LIPK: variants seen among roughly 807,000 people sequenced by gnomAD.
LIPK encodes the protein lipase member K.
In LIPK, 32 loss-of-function variants were observed where a neutral mutation model predicts 48.6. That is an observed-to-expected ratio of 0.66 (90% CI 0.50 to 0.88). LIPK has a LOEUF of 0.88. LIPK is among the 40% of genes least tolerant of loss of function. The pLI is 0.00. For missense variants in LIPK, 507 were observed against 478.5 expected (o/e 1.06, Z -0.56); for synonymous variants, 164 against 157.4 (o/e 1.04, Z -0.32).
rs113994667 is a variant in LIPK at position 88,715,076 on chromosome 10, C to T, written c.-12+8756C>T. ...TTTATTATCATTTAGTTGCAAATATCTTCTATTTTCCATTTTTATTGCTTC... is the reference window on the plus strand; with the variant it reads ...TTTATTATCATTTAGTTGCAAATATTTTCTATTTTCCATTTTTATTGCTTC... On this transcript the variant is annotated intron_variant, in intron 1 of 9. Transcript: ENST00000404190. Among the ~76,000 whole-genome samples the T allele has an allele frequency of 5.2e-3, 788 of 152,082 alleles. 9 individuals carry two copies. The highest frequency in any genetic ancestry group is 0.024 in the Middle Eastern group (7 of 292).
chr10:88,748,411 G>A (rs1329209650), intron 9 of LIPK, among the ~76,000 whole-genome samples: 1 of 152,070 alleles, frequency 6.6e-6, no homozygotes, highest in African/African-American at 2.4e-5. Flanking sequence ...GAGGTCAGGG[G>A]TATGAGACTA....
chr10:88,736,631 A>G (rs138909935), intron 6 of LIPK, among the ~76,000 whole-genome samples: 6 of 152,338 alleles, frequency 3.9e-5, no homozygotes, highest in Admixed American at 6.5e-5. Context: ...TTTATTTATC[A>G]ATCCATGCTT....
intron 6 of LIPK, among the ~76,000 whole-genome samples, chr10:88,732,809 G>T (rs1237199934): frequency 2.0e-5 from 3 of 152,170 alleles, no homozygotes; most frequent in East Asian, 3.8e-4. Flanking sequence ...CAGATAGAGA[G>T]AACTTATTTG....
At position 88,737,706 on chromosome 10, in the gene LIPK, T is replaced by G; in HGVS notation, c.741T>G (p.Asn247Lys). The G allele has an allele frequency of 2.5e-6, 4 of 1,613,902 alleles. No individual in the cohort carries two copies. In the South Asian group the frequency reaches 4.4e-5, roughly 18 times the overall value. ...AATTCATTGCCACCAAAGTGTGCAA[T>G]CGAAAGCTATTCCGTCGTATTTGCA... ...FDQFIATKVC[N>K]RKLFRRICSN... The change falls in exon 7 of 10, where the codon AAT becomes AAG. Residue 247 changes from asparagine to lysine, a missense_variant. By Grantham distance (94) the Asn-to-Lys change is moderately conservative (BLOSUM62 0). Transcript: ENST00000404190.
At position 88,740,032 on chromosome 10, in the gene LIPK, G is replaced by A; in HGVS notation, c.853G>A (p.Gly285Arg). ...TGTTTATTTGTCACACAATCCTGCG[G>A]GAACATCTGTTCAGAATATGCTGCA... ...LDVYLSHNPA[G>R]TSVQNMLHWA... The change falls in exon 8 of 10, where the codon GGA (glycine) becomes AGA (arginine). Residue 285 changes from glycine to arginine, a missense_variant. Transcript: ENST00000404190. 3.1e-6 allele frequency: 5 copies of A among 1,612,754 alleles called. No homozygotes were observed. Among genetic ancestry groups the A allele is most frequent in the Non-Finnish European group, 3.4e-6 (4 of 1,179,162 alleles).
chr10:88,721,280 T>TA (rs1388572579), intron 1 of LIPK, among the ~76,000 whole-genome samples: 2 of 152,124 alleles, frequency 1.3e-5, no homozygotes, highest in Non-Finnish European at 2.9e-5. Flanking sequence ...GTCAAAGAAA[T>TA]AAAAAAACTC....
At chr10:88,748,183 A>T (rs987349452) in intron 9 of LIPK, among the ~76,000 whole-genome samples, 1 of 152,200 alleles carries the variant, frequency 6.6e-6, no homozygotes, top group African/African-American at 2.4e-5. Context: ...CAAATACCAC[A>T]TGTTCTTACT....
At chr10:88,739,462 C>G (rs1842638031) in intron 7 of LIPK, among the ~76,000 whole-genome samples, 1 of 151,780 alleles carries the variant, frequency 6.6e-6, no homozygotes, top group Non-Finnish European at 1.5e-5. Context: ...GAAGACACTG[C>G]TGAGGACAGG....
intron 1 of LIPK, among the ~76,000 whole-genome samples, chr10:88,719,329 A>C (rs367705617): frequency 1.3e-5 from 2 of 152,234 alleles, no homozygotes; most frequent in Admixed American, 6.5e-5. Context: ...ACAACTAATA[A>C]TAAAAACAGT....
At chr10:88,733,767 G>A (rs570350548) in intron 6 of LIPK, among the ~76,000 whole-genome samples, 6 of 152,172 alleles carry the variant, frequency 3.9e-5, no homozygotes, top group Middle Eastern at 3.2e-3. Flanking sequence ...ATACCCTGAC[G>A]TGTGTAGGAC....
At chr10:88,736,581 A>G (rs1013460076) in intron 6 of LIPK, among the ~76,000 whole-genome samples, 1 of 152,240 alleles carries the variant, frequency 6.6e-6, no homozygotes, top group Non-Finnish European at 1.5e-5. Context: ...TCTGACTTTA[A>G]CCGGTAAACA....
intron 1 of LIPK, among the ~76,000 whole-genome samples, chr10:88,719,680 T>C (rs1842184534): frequency 6.6e-6 from 1 of 152,198 alleles, no homozygotes; most frequent in Admixed American, 6.5e-5. Flanking sequence ...CTGCACACTC[T>C]GGCCAATTCT....
chr10:88,738,499 A>G (rs1043859248), intron 7 of LIPK, among the ~76,000 whole-genome samples: 14 of 152,230 alleles, frequency 9.2e-5, no homozygotes, highest in African/African-American at 3.1e-4. Flanking sequence ...CAAGATTTAT[A>G]AAAGGCTTTT....
intron 9 of LIPK, among the ~76,000 whole-genome samples, chr10:88,743,969 A>T (rs1356771988): frequency 6.6e-6 from 1 of 152,206 alleles, no homozygotes; most frequent in Non-Finnish European, 1.5e-5. Context: ...GCAAAGCCCA[A>T]AGGGTTTGGT....
chr10:88,730,223 T>C (rs750368372), intron 3 of LIPK, among the ~76,000 whole-genome samples: 2 of 152,210 alleles, frequency 1.3e-5, no homozygotes, highest in Non-Finnish European at 1.5e-5. Flanking sequence ...AAAAATATAA[T>C]GCTATTAATA....
At chr10:88,725,692 T>C (rs1444203044) in intron 2 of LIPK, among the ~76,000 whole-genome samples, 1 of 152,210 alleles carries the variant, frequency 6.6e-6, no homozygotes, top group Non-Finnish European at 1.5e-5. Context: ...TACAATTCCA[T>C]CTCAAAGGCC....
At chr10:88,746,637 A>G (rs1281815334) in intron 9 of LIPK, among the ~76,000 whole-genome samples, 2 of 152,222 alleles carry the variant, frequency 1.3e-5, no homozygotes, top group Non-Finnish European at 2.9e-5. Flanking sequence ...AGGAAAGCTT[A>G]TAGTGCTAAA....
At position 88,752,520 on chromosome 10, in the gene LIPK, A is replaced by T; in HGVS notation, c.964A>T (p.Thr322Ser). ...DQNMMHFHQL[T>S]PPLYNITKME... is the part of the protein sequence containing the mutation. Reference sequence around the variant, plus strand: ...CTCTCTCTTTTATTGTATTTAGCTTACACCTCCTTTATACAACATTACTAA... The same window carrying T: ...CTCTCTCTTTTATTGTATTTAGCTTTCACCTCCTTTATACAACATTACTAA... The change falls in exon 10 of 10, where the codon ACA becomes TCA. Residue 322 changes from threonine to serine, a missense_variant. Transcript: ENST00000404190. The T allele has an allele frequency of 1.3e-6, 2 of 1,541,294 alleles. No homozygotes were observed. The highest frequency in any genetic ancestry group is 8.8e-7 in the Non-Finnish European group (1 of 1,135,608).
chr10:88,739,950 T>C, intron 7 of LIPK, 46 bp from the exon 8 acceptor site: 1 of 1,152,210 alleles, frequency 8.7e-7, no homozygotes, highest in Non-Finnish European at 1.3e-6. Context: ...TTACTTGTGG[T>C]ATGATGATAT....
Sources: gnomAD v4.1 joint callset for allele counts (sites outside exome capture counted in the v4.1 genomes callset) on GRCh38, gnomAD v4.1.1 for gene constraint, MANE v1.5 for transcripts, NCBI Gene and HGNC (gene_info 2026-07-23, HGNC 2026-07-21) for gene names.